CNTN6: variants seen among roughly 807,000 people sequenced by gnomAD.
CNTN6 encodes the protein contactin 6, also known as contactin-6.
CNTN6 carries 137 observed loss-of-function variants against 122.8 expected under a neutral mutation model. That is an observed-to-expected ratio of 1.12 (90% CI 0.97 to 1.29). The LOEUF is 1.29. CNTN6 is among the 50% of genes most tolerant of loss of function. The pLI is 0.00. For synonymous variants in CNTN6, 570 were observed against 426.0 expected (o/e 1.34, Z -4.16); for missense variants, 1,634 against 1,223.4 (o/e 1.34, Z -5.01).
intron 2 of CNTN6, among the ~76,000 whole-genome samples, chr3:1,157,212 ATTTATTTAATTT>A (rs971033465): frequency 2.1e-5 from 3 of 141,032 alleles, no homozygotes; most frequent in African/African-American, 8.3e-5. Context: ...TTATTTATTT[ATTTATTTAATTT>A]ATTTATTTAT....
chr3:1,262,920 AG>A (rs1176680220), intron 4 of CNTN6, among the ~76,000 whole-genome samples: 2 of 152,110 alleles, frequency 1.3e-5, no homozygotes, highest in African/African-American at 4.8e-5. Flanking sequence ...TATAATAAAA[AG>A]AAAAATAACT....
intron 1 of CNTN6, among the ~76,000 whole-genome samples, chr3:1,130,291 C>T (rs2092302759): frequency 6.6e-6 from 1 of 151,950 alleles, no homozygotes; most frequent in Admixed American, 6.6e-5. Flanking sequence ...CCCTCACTCC[C>T]TTCACCCCTA....
At chr3:1,219,441 G>T (rs1484769486) in intron 2 of CNTN6, among the ~76,000 whole-genome samples, 3 of 152,264 alleles carry the variant, frequency 2.0e-5, no homozygotes, top group South Asian at 2.1e-4. Context: ...CTTGCTGGCT[G>T]GGAGAAGCCT....
At chr3:1,390,534 G>T (rs4459882) in intron 20 of CNTN6, among the ~76,000 whole-genome samples, 1 of 151,680 alleles carries the variant, frequency 6.6e-6, no homozygotes, top group Non-Finnish European at 1.5e-5. Context: ...TTCAAAAGCT[G>T]GCAGAAAGAA....
intron 2 of CNTN6, among the ~76,000 whole-genome samples, chr3:1,202,555 TAAATAAATA>T (rs2093898803): frequency 2.8e-5 from 1 of 35,408 alleles, no homozygotes; most frequent in East Asian, 8.3e-3. Context: ...AATAAATAAA[TAAATAAATA>T]AATAAATAAA....
At chr3:1,357,352 G>C (rs909147418) in intron 12 of CNTN6, among the ~76,000 whole-genome samples, 1 of 151,786 alleles carries the variant, frequency 6.6e-6, no homozygotes, top group African/African-American at 2.4e-5. Flanking sequence ...AACTAACGTG[G>C]AACTTGACGA....
intron 12 of CNTN6, among the ~76,000 whole-genome samples, chr3:1,353,618 A>C (rs550115785): frequency 1.1e-4 from 17 of 151,800 alleles, no homozygotes; most frequent in African/African-American, 3.1e-4. Flanking sequence ...ATTTAGGAAC[A>C]GACTATTTCT....
chr3:1,140,861 T>C (rs1478599353), intron 1 of CNTN6, among the ~76,000 whole-genome samples: 1 of 152,210 alleles, frequency 6.6e-6, no homozygotes, highest in Non-Finnish European at 1.5e-5. Flanking sequence ...TGTTACGTCT[T>C]TCTACTAATC....
At chr3:1,349,971 T>G (rs1705371298) in intron 11 of CNTN6, among the ~76,000 whole-genome samples, 1 of 151,856 alleles carries the variant, frequency 6.6e-6, no homozygotes, top group African/African-American at 2.4e-5. Context: ...AAGTTTATTT[T>G]AATAAATCAT....
intron 7 of CNTN6, among the ~76,000 whole-genome samples, chr3:1,299,607 T>C (rs1391974747): frequency 1.3e-5 from 2 of 152,226 alleles, no homozygotes; most frequent in Non-Finnish European, 2.9e-5. Flanking sequence ...TATGAGAAAC[T>C]GAAGCTCAGA....
At chr3:1,317,666 C>G (rs1041596957) in intron 7 of CNTN6, among the ~76,000 whole-genome samples, 2 of 151,608 alleles carry the variant, frequency 1.3e-5, no homozygotes, top group Non-Finnish European at 2.9e-5. Context: ...AAGAGATCTC[C>G]TCTTCAAGAG....
At chr3:1,118,282 G>A (rs1221798514) in intron 1 of CNTN6, among the ~76,000 whole-genome samples, 1 of 152,168 alleles carries the variant, frequency 6.6e-6, no homozygotes, top group East Asian at 1.9e-4. Context: ...GTGGTGAGGA[G>A]CGGGGCTAGG....
In CNTN6 at chr3:1,115,080, C is replaced by CA. The variant is rs199948744; in HGVS notation, c.-83+21967dup. Among the ~76,000 whole-genome samples the CA allele has an allele frequency of 2.2e-3, 340 of 151,960 alleles. 6 individuals are homozygous for CA. Among genetic ancestry groups the CA allele is most frequent in the Admixed American group, 0.019 (297 of 15,256 alleles). On this transcript the variant is annotated intron_variant, in intron 1 of 22. Transcript: ENST00000446702. ...AGCAGCACAATTTCAGTTTTAAGAC[C>CA]AAAAAAATAGCAGAAAGCTGGGAGT...
chr3:1,299,584 C>T (rs752732998), intron 7 of CNTN6, among the ~76,000 whole-genome samples: 1 of 152,242 alleles, frequency 6.6e-6, no homozygotes, highest in African/African-American at 2.4e-5. Context: ...GGGCAAGTTA[C>T]GTTTTCATTA....
chr3:1,159,967 T>G (rs2093085840), intron 2 of CNTN6, among the ~76,000 whole-genome samples: 1 of 151,908 alleles, frequency 6.6e-6, no homozygotes. Context: ...ATTACAGGCA[T>G]GCGCCACCAC....
Position 1,297,851 on chromosome 3 carries a change from T to C in CNTN6, c.659-38T>C, listed in dbSNP as rs200441510. ...CATTTACTTCATAGAAAACTTCTAT[T>C]CTCCAGAAATGCTGCTAGCTCTTTT... On this transcript the variant is annotated intron_variant, in intron 6 of 22. Transcript: ENST00000446702. 143 of 1,507,082 alleles carry C rather than the reference T, an allele frequency of 9.5e-5. 2 individuals carry two copies. In the East Asian group the frequency reaches 2.7e-3, roughly 28 times the overall value. The allele number at this position is 1,507,082 out of a possible 1,614,324, so 93.4% of individuals were successfully genotyped here. A position where few individuals can be genotyped will look rare whatever the true frequency, so the allele number is the denominator to read the frequency against.
chr3:1,257,215 G>T (rs968631918), intron 4 of CNTN6, among the ~76,000 whole-genome samples: 3 of 151,978 alleles, frequency 2.0e-5, no homozygotes, highest in Admixed American at 6.6e-5. Flanking sequence ...TTCTGTTGAA[G>T]GATTCAAATT....
At chr3:1,310,690 A>T (rs983850025) in intron 7 of CNTN6, among the ~76,000 whole-genome samples, 3 of 152,202 alleles carry the variant, frequency 2.0e-5, no homozygotes, top group African/African-American at 2.4e-5. Flanking sequence ...TACATAAAGA[A>T]GAAATGTATG....
intron 5 of CNTN6, among the ~76,000 whole-genome samples, chr3:1,293,528 T>C (rs1695687693): frequency 6.6e-6 from 1 of 152,184 alleles, no homozygotes; most frequent in African/African-American, 2.4e-5. Flanking sequence ...TACCGGAACA[T>C]ATCAGAAATA....
Sources: allele counts gnomAD v4.1 joint callset (sites outside exome capture counted in the v4.1 genomes callset), GRCh38; gene constraint gnomAD v4.1.1; transcripts MANE v1.5; gene names NCBI Gene and HGNC (gene_info 2026-07-23, HGNC 2026-07-21).